Variants in HK1 observed in about 807,000 individuals in gnomAD.
HK1 encodes the protein hexokinase 1.
In HK1, 28 loss-of-function variants were observed where a neutral mutation model predicts 91.6. The observed-to-expected ratio is 0.31, with a 90% confidence interval of 0.23 to 0.42. The LOEUF is 0.42. Among genes scored for constraint, HK1 ranks in the 10% least tolerant of loss-of-function variants. The probability of loss-of-function intolerance (pLI) is 1.00; values close to 1 mark genes in which losing one functional copy is unlikely to be tolerated. For synonymous variants in HK1, 430 were observed against 468.1 expected (o/e 0.92, Z 1.05); for missense variants, 770 against 1,219.8 (o/e 0.63, Z 5.49).
chr10:69,358,024 A>G (rs1262195189), intron 2 of HK1, among the ~76,000 whole-genome samples: 2 of 152,326 alleles, frequency 1.3e-5, no homozygotes, highest in South Asian at 2.1e-4. Context: ...ATGCTGTTAC[A>G]TAAGATATAA....
chr10:69,385,979 G>A (rs1589575742), intron 12 of HK1, among the ~76,000 whole-genome samples: 1 of 152,188 alleles, frequency 6.6e-6, no homozygotes, highest in Admixed American at 6.5e-5. Context: ...AGACTCTTCT[G>A]TACAGCTGGT....
chr10:69,312,779 G>GA (rs779540057), upstream of HK1, among the ~76,000 whole-genome samples: 24 of 152,242 alleles, frequency 1.6e-4, no homozygotes, highest in Non-Finnish European at 2.6e-4. Context: ...AAGGGGAAGG[G>GA]AAAAAATTGT....
intron 11 of HK1, 103 bp downstream of exon 11, chr10:69,384,584 G>A: frequency 6.7e-7 from 1 of 1,490,514 alleles, no homozygotes; most frequent in South Asian, 1.1e-5. Context: ...ACATGGATTT[G>A]TGTCCTTGTG....
chr10:69,396,202 C>A (rs1040730762), intron 16 of HK1, among the ~76,000 whole-genome samples: 1 of 146,212 alleles, frequency 6.8e-6, no homozygotes, highest in Non-Finnish European at 1.5e-5. Flanking sequence ...AGCCCGGTGG[C>A]GGAGGTTGCA....
intron 1 of HK1, among the ~76,000 whole-genome samples, chr10:69,330,512 A>T (rs377012201): frequency 1.3e-5 from 2 of 152,104 alleles, no homozygotes; most frequent in East Asian, 3.9e-4. Flanking sequence ...TACCTGCAGA[A>T]CCAGAACGGT....
At chr10:69,274,360 G>A (rs1280129541) in intron 1 of HK1, among the ~76,000 whole-genome samples, 1 of 152,128 alleles carries the variant, frequency 6.6e-6, no homozygotes, top group African/African-American at 2.4e-5. Context: ...CACTTTGGGA[G>A]GCCAAAGCAG....
intron 1 of HK1, among the ~76,000 whole-genome samples, chr10:69,340,203 G>A (rs774829106): frequency 2.0e-5 from 3 of 152,140 alleles, no homozygotes; most frequent in Non-Finnish European, 4.4e-5. Context: ...TCGTTGGGGC[G>A]TGTCCAAAAT....
At chr10:69,325,044 A>ATTTTTTTTTT (rs1046990181) in intron 1 of HK1, among the ~76,000 whole-genome samples, 1 of 93,906 alleles carries the variant, frequency 1.1e-5, no homozygotes, top group Non-Finnish European at 2.0e-5. Flanking sequence ...AAAAATGTGT[A>ATTTTTTTTTT]TTTTTTTTTT....
chr10:69,367,708 C>T (rs1208719599), intron 4 of HK1, among the ~76,000 whole-genome samples: 3 of 151,982 alleles, frequency 2.0e-5, no homozygotes. Context: ...CCTCTGCAGG[C>T]CTGCGGGGCC....
chr10:69,282,801 G>C (rs1844810323), intron 2 of HK1: 1 of 152,096 alleles, frequency 6.6e-6, no homozygotes, highest in African/African-American at 2.4e-5. Context: ...GCATTAAGTA[G>C]CTTCCTGTCC....
chr10:69,280,676 C>T (rs977977852), intron 1 of HK1, among the ~76,000 whole-genome samples: 2 of 152,148 alleles, frequency 1.3e-5, no homozygotes, highest in African/African-American at 4.8e-5. Flanking sequence ...AGAAGGCTGT[C>T]TTTGAGAAAT....
rs77681878 is a variant in HK1, at chr10:69,303,989, A to G, written c.27+3128A>G. On this transcript the variant is annotated intron_variant, in intron 5 of 21. Transcript: ENST00000360289. ...AGTCAGTTTCTGGCTGGGGGCCACA[A>G]GATCAGATGATCCAGTTTATCAATC... Among the ~76,000 whole-genome samples the G allele has an allele frequency of 9.6e-3, 1,455 of 152,286 alleles. 14 individuals carry two copies. The highest frequency in any genetic ancestry group is 0.013 in the Non-Finnish European group (869 of 68,014).
In HK1 at chr10:69,324,666, G is replaced by T. The variant is rs116894420; in HGVS notation, c.63+5656G>T. Among the ~76,000 whole-genome samples, 1,429 of 152,294 alleles carry T rather than the reference G, an allele frequency of 9.4e-3. 24 individuals carry two copies. The highest frequency in any genetic ancestry group is 0.074 in the East Asian group (382 of 5,190). On this transcript the variant is annotated intron_variant, in intron 1 of 17. Transcript: ENST00000359426. Reference sequence around the variant, plus strand: ...GCTATGAGGGCCCACAGCATGGTGTGGTCATACCTTGGGTGGGAAATCCCT... The same window carrying T: ...GCTATGAGGGCCCACAGCATGGTGTTGTCATACCTTGGGTGGGAAATCCCT...
At chr10:69,364,671 T>C in intron 3 of HK1, 112 bp from the exon 4 acceptor site, 1 of 1,351,662 alleles carries the variant, frequency 7.4e-7, no homozygotes, top group South Asian at 1.2e-5. Context: ...ACGAGCACTT[T>C]GTTTGGGTAG....
chr10:69,273,277 G>A lies in HK1; in HGVS notation c.-391+3169G>A, dbSNP rs555661595. 1.7e-4 allele frequency among the ~76,000 whole-genome samples: 26 copies of A among 152,106 alleles called. No individual in the cohort carries two copies. The South Asian group carries it at 4.8e-3, about 28-fold the overall frequency. On this transcript the variant is annotated intron_variant, in intron 1 of 21. Transcript: ENST00000360289. Reference sequence around the variant, plus strand: ...GTAACACAGGCTGGAGTGCAGTGGCGTGATCTTGGCTAACTGCAGGCTCCA... The same window carrying A: ...GTAACACAGGCTGGAGTGCAGTGGCATGATCTTGGCTAACTGCAGGCTCCA...
rs889643079 is a variant in HK1, at chr10:69,396,321, CA to C, written c.2375+1225del. ...AAGAAAAAAAATATTAAACCTTAAA[CA>C]AAAAAAAACCTAACAAGCCTATACA... On this transcript the variant is annotated intron_variant, in intron 16 of 17. Coordinates refer to ENST00000359426, the MANE Select transcript of HK1 (RefSeq NM_000188.3). Among the ~76,000 whole-genome samples the C allele has an allele frequency of 6.1e-5, 9 of 146,558 alleles. No homozygotes were observed. The South Asian group carries it at 1.1e-3, about 18-fold the overall frequency.
intron 3 of HK1, among the ~76,000 whole-genome samples, chr10:69,362,779 G>A (rs1849500910): frequency 6.6e-6 from 1 of 152,204 alleles, no homozygotes; most frequent in Non-Finnish European, 1.5e-5. Context: ...GGCGTGGGGC[G>A]CCAGGACCAA....
At chr10:69,316,233 A>C (rs192222806), upstream of HK1, among the ~76,000 whole-genome samples, 2 of 152,168 alleles carry the variant, frequency 1.3e-5, no homozygotes, top group Admixed American at 1.3e-4. Flanking sequence ...TCGATTACAG[A>C]AGGCCTCGGA....
intron 1 of HK1, among the ~76,000 whole-genome samples, chr10:69,334,928 G>A (rs1847902980): frequency 6.6e-6 from 1 of 152,192 alleles, no homozygotes; most frequent in African/African-American, 2.4e-5. Context: ...GAGAAGGTGA[G>A]TTGGGAGGTG....
Sources: allele counts gnomAD v4.1 joint callset (sites outside exome capture counted in the v4.1 genomes callset), GRCh38; gene constraint gnomAD v4.1.1; transcripts MANE v1.5; gene names NCBI Gene and HGNC (gene_info 2026-07-23, HGNC 2026-07-21).